CLMN: variants seen among roughly 807,000 people sequenced by gnomAD.
The protein encoded by CLMN is calmin.
In CLMN, 57 loss-of-function variants were observed where a neutral mutation model predicts 92.7. The ratio of observed to expected loss-of-function variants is 0.61; its 90% confidence interval spans 0.50 to 0.77. The LOEUF is 0.77. Among genes scored for constraint, CLMN ranks in the 30% least tolerant of loss-of-function variants. CLMN has a pLI of 0.00. For missense variants in CLMN, 1,158 were observed against 1,237.5 expected, an observed-to-expected ratio of 0.94 and a Z score of 0.96; for synonymous variants, 466 against 470.6, an observed-to-expected ratio of 0.99 and a Z score of 0.13.
At chr14:95,314,069 G>A (rs1901656752) in intron 1 of CLMN, among the ~76,000 whole-genome samples, 1 of 152,172 alleles carries the variant, frequency 6.6e-6, no homozygotes, top group Non-Finnish European at 1.5e-5. Context: ...CAACTGGACT[G>A]AGGGCTTCCC....
chr14:95,226,227 T>G (rs1897706387), intron 2 of CLMN, among the ~76,000 whole-genome samples: 1 of 152,226 alleles, frequency 6.6e-6, no homozygotes, highest in South Asian at 2.1e-4. Context: ...ATATAATCTA[T>G]GCACATCCTC....
rs779989907 is a variant in CLMN at position 95,196,472 on chromosome 14, C to T, written c.2708+26G>A. On this transcript the variant is annotated intron_variant, in intron 10 of 12. Coordinates refer to ENST00000298912, the MANE Select transcript of CLMN (RefSeq NM_024734.4). ...TCTCTAACTCTCTGGCTCCACCTTA[C>T]GGGTGAAAAGAGATGAATAAAATAC... 1.2e-5 allele frequency: 19 copies of T among 1,592,040 alleles called. No homozygotes were observed. In the Admixed American group the frequency reaches 1.4e-4, roughly 12 times the overall value.
At chr14:95,274,898 G>C (rs986306117) in intron 1 of CLMN, among the ~76,000 whole-genome samples, 1 of 149,780 alleles carries the variant, frequency 6.7e-6, no homozygotes, top group South Asian at 2.1e-4. Flanking sequence ...AGAATCGCTT[G>C]AACCCAGGGG....
intron 4 of CLMN, among the ~76,000 whole-genome samples, chr14:95,217,537 G>A (rs955229441): frequency 6.6e-6 from 1 of 152,198 alleles, no homozygotes; most frequent in African/African-American, 2.4e-5. Context: ...CAGTTGATCG[G>A]ATTCAGGTTC....
At chr14:95,248,681 G>A (rs1054798174) in intron 1 of CLMN, among the ~76,000 whole-genome samples, 1 of 152,118 alleles carries the variant, frequency 6.6e-6, no homozygotes, top group Non-Finnish European at 1.5e-5. Flanking sequence ...TGCTTTTGGT[G>A]GTTATTTGCA....
In CLMN at chr14:95,294,680, C is replaced by T. The variant is rs1900734622; in HGVS notation, c.82+25031G>A. Among the ~76,000 whole-genome samples, 2 of 152,174 alleles carry T rather than the reference C, an allele frequency of 1.3e-5. No individual in the cohort carries two copies. On this transcript the variant is annotated intron_variant, in intron 1 of 12. Coordinates refer to ENST00000298912, the MANE Select transcript of CLMN (RefSeq NM_024734.4). The surrounding 1 kb of genome is among the most constrained non-coding windows in gnomAD (Gnocchi z 4.2). ...TCTCCTTTGCACACCCCTCCTCCTA[C>T]TTCATCTTCCTTTCTCTCCCTGCCC...
At chr14:95,246,158 C>T (rs1044374640) in intron 1 of CLMN, among the ~76,000 whole-genome samples, 1 of 152,096 alleles carries the variant, frequency 6.6e-6, no homozygotes, top group Admixed American at 6.5e-5. Context: ...ATATGAAAAC[C>T]GAACAATCCA....
intron 2 of CLMN, among the ~76,000 whole-genome samples, chr14:95,229,379 A>C (rs1897811014): frequency 6.6e-6 from 1 of 152,196 alleles, no homozygotes; most frequent in Admixed American, 6.5e-5. Context: ...AGATGCTTGC[A>C]AACAAAATGC....
chr14:95,246,763 G>C (rs547147350), intron 1 of CLMN, among the ~76,000 whole-genome samples: 9 of 152,194 alleles, frequency 5.9e-5, no homozygotes, highest in African/African-American at 2.2e-4. Context: ...CACGGCACCT[G>C]GCCACAAACT....
At chr14:95,245,214 ATATATATATAT>A (rs1566890998) in intron 1 of CLMN, among the ~76,000 whole-genome samples, 8 of 34,690 alleles carry the variant, frequency 2.3e-4, no homozygotes, top group African/African-American at 9.0e-4. Context: ...TATATTATAT[ATATATATATAT>A]TATATATATA....
In CLMN at chr14:95,189,437, G is replaced by A. The variant is rs1397654485; in HGVS notation, c.*2127C>T. 6.6e-6 allele frequency: 1 copy of A among 152,180 alleles called. No homozygotes were observed. The highest frequency in any genetic ancestry group is 2.4e-5 in the African/African-American group (1 of 41,430). The allele number at this position is 152,180 out of a possible 1,614,324, so 9.4% of individuals were successfully genotyped here. Reference sequence around the variant, plus strand: ...TTTTCTATATCCAGCTTCTTCCATAGAAGCCTATACTCAAATGAGATTTTT... The same window carrying A: ...TTTTCTATATCCAGCTTCTTCCATAAAAGCCTATACTCAAATGAGATTTTT... On this transcript the variant is annotated 3_prime_UTR_variant, in exon 13 of 13. Coordinates refer to ENST00000298912, the MANE Select transcript of CLMN (RefSeq NM_024734.4).
At chr14:95,212,146 A>G (rs956900254) in intron 6 of CLMN, among the ~76,000 whole-genome samples, 1 of 152,208 alleles carries the variant, frequency 6.6e-6, no homozygotes, top group African/African-American at 2.4e-5. Flanking sequence ...ATTTCCACAC[A>G]CAGGGGATAA....
At chr14:95,248,110 TGAA>T (rs1285126984) in intron 1 of CLMN, among the ~76,000 whole-genome samples, 3 of 133,342 alleles carry the variant, frequency 2.2e-5, no homozygotes, top group Admixed American at 7.4e-5. Context: ...AAACTGCAAA[TGAA>T]AAAAAAAAAA....
intron 5 of CLMN, 107 bp from the exon 6 acceptor site, chr14:95,213,516 G>T: frequency 9.8e-7 from 1 of 1,018,608 alleles, no homozygotes; most frequent in Non-Finnish European, 1.4e-6. Flanking sequence ...ACCGGCTCAG[G>T]CAGGATTGCT....
chr14:95,198,427 T>C (rs559823994), intron 9 of CLMN, among the ~76,000 whole-genome samples: 1 of 151,470 alleles, frequency 6.6e-6, no homozygotes, highest in African/African-American at 2.4e-5. Flanking sequence ...GACCCAAGAC[T>C]CCCAGACCTC....
intron 1 of CLMN, among the ~76,000 whole-genome samples, chr14:95,268,798 T>TAA (rs1899590072): frequency 3.1e-5 from 3 of 96,876 alleles, no homozygotes; most frequent in Admixed American, 1.9e-4. Context: ...CTCTCTCTTT[T>TAA]TTTTTTTTTT....
At chr14:95,306,371 G>C (rs1052109541) in intron 1 of CLMN, among the ~76,000 whole-genome samples, 1 of 152,076 alleles carries the variant, frequency 6.6e-6, no homozygotes, top group African/African-American at 2.4e-5. Flanking sequence ...AAATTAGCTG[G>C]GCATGGTGGT....
rs891313016 is a variant in CLMN, at chr14:95,193,996, G to A, written c.2770-77C>T. 1.1e-5 allele frequency: 17 copies of A among 1,580,928 alleles called. No individual in the cohort carries two copies. In the East Asian group the frequency reaches 1.1e-4, roughly 11 times the overall value. ...AAATCTCTGAAACAGAAGATAAAACGATTTTAAACACACAAAGCCGAGCAT... is the reference window on the plus strand; with the variant it reads ...AAATCTCTGAAACAGAAGATAAAACAATTTTAAACACACAAAGCCGAGCAT... On this transcript the variant is annotated intron_variant, in intron 11 of 12. Transcript: ENST00000298912.
chr14:95,265,540 C>A (rs1218735869), intron 1 of CLMN, among the ~76,000 whole-genome samples: 1 of 152,094 alleles, frequency 6.6e-6, no homozygotes, highest in African/African-American at 2.4e-5. Flanking sequence ...CTCTGGAGAC[C>A]CCTGACTAAT....
Sources: allele counts gnomAD v4.1 joint callset (sites outside exome capture counted in the v4.1 genomes callset), GRCh38; gene constraint gnomAD v4.1.1; non-coding constraint Gnocchi (gnomAD v3.1); transcripts MANE v1.5; gene names NCBI Gene and HGNC (gene_info 2026-07-23, HGNC 2026-07-21).